PATJ: variants seen among roughly 807,000 people sequenced by gnomAD.
The protein encoded by PATJ is inaD-like protein.
PATJ carries 190 observed loss-of-function variants against 224.9 expected under a neutral mutation model. The observed-to-expected ratio is 0.84, with a 90% CI of 0.75 to 0.95. PATJ has a LOEUF of 0.95. Among genes scored for constraint, PATJ ranks in the 40% least tolerant of loss-of-function variants. The probability of loss-of-function intolerance (pLI) is 0.00; values close to 1 mark genes in which losing one functional copy is unlikely to be tolerated. For synonymous variants in PATJ, 769 were observed against 820.3 expected (o/e 0.94, Z 1.07); for missense variants, 2,121 against 2,270.3 (o/e 0.93, Z 1.34).
rs771284772 is a variant in PATJ, at chr1:61,797,389, T to C, written c.1363T>C (p.Ser455Pro). 1 of 1,613,914 alleles carries C rather than the reference T, an allele frequency of 6.2e-7. No individual in the cohort carries two copies. Among genetic ancestry groups the C allele is most frequent in the Non-Finnish European group, 8.5e-7 (1 of 1,179,818 alleles). The change falls in exon 11 of 44, where the codon TCC (serine) becomes CCC (proline). Residue 455 changes from serine to proline, a missense_variant. Physicochemically the swap from Ser to Pro is moderately conservative, Grantham distance 74. Coordinates refer to ENST00000642238, the MANE Select transcript of PATJ (RefSeq NM_001350145.3). The stretch of plus-strand genomic sequence containing the variant: ...CCTAACCCTAGTTCGAAGGAAGACA[T>C]CCTCATCTACTTCTCCACTTGAACC... ...VHLTLVRRKT[S>P]SSTSPLEPPS...
At chr1:61,840,091 T>C (rs1660839367) in intron 17 of PATJ, among the ~76,000 whole-genome samples, 1 of 152,034 alleles carries the variant, frequency 6.6e-6, no homozygotes, top group African/African-American at 2.4e-5. Context: ...ATATAAAATA[T>C]TGCAGTGTTA....
intron 30 of PATJ, among the ~76,000 whole-genome samples, chr1:62,050,120 C>CAAAA (rs35986021): frequency 0.012 from 1,112 of 95,156 alleles, 17 homozygotes; most frequent in African/African-American, 0.031. Context: ...TCTGCCCCAC[C>CAAAA]AAAAAAAAAA....
intron 28 of PATJ, among the ~76,000 whole-genome samples, chr1:62,014,547 G>A (rs542058821): frequency 1.0e-4 from 14 of 137,828 alleles, no homozygotes; most frequent in African/African-American, 3.8e-4. Flanking sequence ...TTTTAAAGAC[G>A]ATTTCTTTTC....
At chr1:61,874,646 CAT>C (rs1181084178) in intron 20 of PATJ, among the ~76,000 whole-genome samples, 5 of 152,186 alleles carry the variant, frequency 3.3e-5, no homozygotes, top group African/African-American at 4.8e-5. Flanking sequence ...TCAGGGGAAA[CAT>C]AAATATTTTA....
At chr1:62,088,847 TATATATATAGAATATATAGAAC>T (rs986960475) in intron 33 of PATJ, among the ~76,000 whole-genome samples, 6 of 147,386 alleles carry the variant, frequency 4.1e-5, no homozygotes, top group South Asian at 2.1e-4. Context: ...ATATAGAACA[TATATATATAGAATATATAGAAC>T]ATATATATAT....
chr1:61,776,971 C>T (rs923836522), intron 7 of PATJ, among the ~76,000 whole-genome samples: 13 of 152,126 alleles, frequency 8.5e-5, no homozygotes, highest in Non-Finnish European at 7.3e-5. Flanking sequence ...GTGATCCGCC[C>T]GCCTTAGCCT....
chr1:61,791,009 C>G (rs1649744137), intron 8 of PATJ, among the ~76,000 whole-genome samples: 1 of 152,214 alleles, frequency 6.6e-6, no homozygotes, highest in Non-Finnish European at 1.5e-5. Flanking sequence ...TTAAGGTCCC[C>G]TGCATTCCTT....
chr1:62,033,663 C>T (rs993620046), intron 29 of PATJ, among the ~76,000 whole-genome samples: 3 of 152,146 alleles, frequency 2.0e-5, no homozygotes, highest in African/African-American at 7.2e-5. Flanking sequence ...GGTGGACACC[C>T]CAAGAAATGG....
At chr1:61,810,880 C>T (rs1335118165) in intron 14 of PATJ, among the ~76,000 whole-genome samples, 3 of 151,672 alleles carry the variant, frequency 2.0e-5, no homozygotes, top group Admixed American at 6.6e-5. Context: ...GCTGAGATCG[C>T]GCCATTGCAT....
At chr1:62,096,396 A>T (rs1162798497) in intron 33 of PATJ, among the ~76,000 whole-genome samples, 1 of 152,138 alleles carries the variant, frequency 6.6e-6, no homozygotes, top group Non-Finnish European at 1.5e-5. Context: ...GACCAAGAAA[A>T]ATCAAAATGT....
At chr1:62,017,564 TACTAAAA>T (rs1263135754) in intron 28 of PATJ, among the ~76,000 whole-genome samples, 1 of 151,436 alleles carries the variant, frequency 6.6e-6, no homozygotes, top group Non-Finnish European at 1.5e-5. Flanking sequence ...ACCTCTTCTC[TACTAAAA>T]ATACAAAAAA....
At chr1:62,090,845 A>G (rs1053926325) in intron 33 of PATJ, among the ~76,000 whole-genome samples, 12 of 152,084 alleles carry the variant, frequency 7.9e-5, no homozygotes, top group Non-Finnish European at 1.6e-4. Flanking sequence ...TTCAATGTCC[A>G]CTTCTCAGAG....
At chr1:62,156,992 G>C in intron 43 of PATJ, among the ~76,000 whole-genome samples, 1 of 151,746 alleles carries the variant, frequency 6.6e-6, no homozygotes, top group Admixed American at 6.6e-5. Context: ...AATTCCTGTG[G>C]GGGAAATGTG....
At position 62,093,904 on chromosome 1, in the gene PATJ, A is replaced by T. The variant is rs576206798; in HGVS notation, c.4377+9256A>T. Among the ~76,000 whole-genome samples, 5 of 152,318 alleles carry T rather than the reference A, an allele frequency of 3.3e-5. 1 individual carries two copies. The highest frequency in any genetic ancestry group is 1.2e-4 in the African/African-American group (5 of 41,572). ...TTCCATTTTAAATAAATATAAAGCC[A>T]TTTCTTTTTTGAGCTTAAGAAGAGA... On this transcript the variant is annotated intron_variant, in intron 33 of 43. Coordinates refer to ENST00000642238, the MANE Select transcript of PATJ (RefSeq NM_001350145.3).
At chr1:61,809,344 A>G (rs1467173686) in intron 14 of PATJ, among the ~76,000 whole-genome samples, 1 of 151,496 alleles carries the variant, frequency 6.6e-6, no homozygotes, top group Non-Finnish European at 1.5e-5. Context: ...TGCTGAGCCT[A>G]CCTTAAACTC....
intron 17 of PATJ, among the ~76,000 whole-genome samples, chr1:61,851,499 C>T (rs973674335): frequency 3.9e-5 from 6 of 151,930 alleles, no homozygotes; most frequent in East Asian, 1.9e-4. Flanking sequence ...GTTGGGCAAA[C>T]GGGAGCAGGC....
chr1:61,951,267 T>A (rs746763218), intron 27 of PATJ, among the ~76,000 whole-genome samples: 1 of 152,152 alleles, frequency 6.6e-6, no homozygotes, highest in Non-Finnish European at 1.5e-5. Context: ...GGCTTTTTAT[T>A]GTTTTTTTTA....
chr1:61,932,669 G>T (rs1298131157), intron 27 of PATJ, among the ~76,000 whole-genome samples: 2 of 152,242 alleles, frequency 1.3e-5, no homozygotes, highest in Admixed American at 1.3e-4. Flanking sequence ...GGAGGCCGAG[G>T]TGGGTGGATC....
chr1:62,122,236 A>G (rs1297432098), intron 38 of PATJ, among the ~76,000 whole-genome samples: 1 of 151,352 alleles, frequency 6.6e-6, no homozygotes, highest in Non-Finnish European at 1.5e-5. Context: ...ATGGTGGCAC[A>G]TGCCTATAAT....
Sources: allele counts gnomAD v4.1 joint callset (sites outside exome capture counted in the v4.1 genomes callset), GRCh38; gene constraint gnomAD v4.1.1; transcripts MANE v1.5; gene names NCBI Gene and HGNC (gene_info 2026-07-23, HGNC 2026-07-21).